Variants in AGO1 observed in about 807,000 individuals in gnomAD.
AGO1 encodes protein argonaute-1.
AGO1 carries 11 observed loss-of-function variants against 109.2 expected under a neutral mutation model. That is an observed-to-expected ratio of 0.10 (90% CI 0.06 to 0.17). The LOEUF (loss-of-function observed/expected upper bound fraction) is 0.17, where lower values mean the gene tolerates loss of function less well. Among genes scored for constraint, AGO1 ranks in the 10% least tolerant of loss-of-function variants. The probability of loss-of-function intolerance (pLI) is 1.00; values close to 1 mark genes in which losing one functional copy is unlikely to be tolerated. For synonymous variants in AGO1, 422 were observed against 418.6 expected, an observed-to-expected ratio of 1.01 and a Z score of -0.10; for missense variants, 574 against 1,140.3, an observed-to-expected ratio of 0.50 and a Z score of 7.15.
chr1:35,873,816 C>T (rs893894418), intron 1 of AGO1: 2 of 152,364 alleles, frequency 1.3e-5, no homozygotes, highest in Non-Finnish European at 1.5e-5. Context: ...CCAAATATCC[C>T]TCCATACTTC....
rs951035795 is a variant in AGO1, at chr1:35,898,150, T to A, written c.1020+2881T>A. Among the ~76,000 whole-genome samples the A allele has an allele frequency of 1.3e-5, 2 of 152,248 alleles. 1 individual carries two copies. The highest frequency in any genetic ancestry group is 2.9e-5 in the Non-Finnish European group (2 of 68,040). On this transcript the variant is annotated intron_variant, in intron 8 of 18. Coordinates refer to ENST00000373204, the MANE Select transcript of AGO1 (RefSeq NM_012199.5). ...GATTGTTTCTACTTTTTGGGTATCA[T>A]GAATAATGCTGCTGTGAACATTGAT...
chr1:35,908,999 G>T (rs932087920), intron 12 of AGO1, among the ~76,000 whole-genome samples: 1 of 151,836 alleles, frequency 6.6e-6, no homozygotes, highest in African/African-American at 2.4e-5. Flanking sequence ...TATATTTTTA[G>T]TACAGATGGA....
upstream of AGO1, chr1:35,883,181 C>T: frequency 8.6e-7 from 1 of 1,159,226 alleles, no homozygotes; most frequent in African/African-American, 1.6e-5. This position sits in a 1 kb window ranked among gnomAD's most constrained non-coding sequence, Gnocchi z 5.4. Flanking sequence ...TCCGGTCCGC[C>T]CCCTGGGCCC....
chr1:35,914,302 A>G (rs769857842), intron 14 of AGO1, 28 bp downstream of exon 14: 14 of 1,585,290 alleles, frequency 8.8e-6, no homozygotes, highest in Non-Finnish European at 1.2e-5. Context: ...GCTGCCTCAT[A>G]AGGTTCTCCT....
chr1:35,870,292 T>G (rs1644937730), intron 1 of AGO1, among the ~76,000 whole-genome samples: 1 of 150,692 alleles, frequency 6.6e-6, no homozygotes, highest in African/African-American at 2.4e-5. Flanking sequence ...TGTTTTTTGT[T>G]TTTTTTTTTG....
At chr1:35,869,943 T>G (rs1017251594) in intron 1 of AGO1, 1 of 152,270 alleles carries the variant, frequency 6.6e-6, no homozygotes, top group Admixed American at 6.5e-5. Flanking sequence ...AAGCAGCAGT[T>G]TGTAGCTGTG....
chr1:35,918,261 C>A, intron 16 of AGO1, 61 bp from the exon 17 acceptor site: 1 of 1,340,264 alleles, frequency 7.5e-7, no homozygotes, highest in Non-Finnish European at 1.1e-6. Context: ...TAGAATTGAG[C>A]CAGGGTCCTG....
intron 6 of AGO1, 22 bp downstream of exon 6, chr1:35,894,193 A>G: frequency 1.3e-6 from 2 of 1,567,802 alleles, no homozygotes; most frequent in South Asian, 1.2e-5. Context: ...ACAGGAGGGG[A>G]AGGGAAACAG....
At chr1:35,890,314 T>C (rs1309147630) in intron 2 of AGO1, among the ~76,000 whole-genome samples, 1 of 152,204 alleles carries the variant, frequency 6.6e-6, no homozygotes, top group African/African-American at 2.4e-5. Flanking sequence ...TGACCCATCA[T>C]GCCCGGCCAA....
chr1:35,886,342 G>C (rs1645119978), intron 1 of AGO1, among the ~76,000 whole-genome samples: 2 of 152,186 alleles, frequency 1.3e-5, no homozygotes, highest in Admixed American at 6.5e-5. Context: ...TAGGCTTTCA[G>C]GGGGATGTAA....
In AGO1 at chr1:35,888,623, C is replaced by T; in HGVS notation, c.209+13C>T. ...GTAGAGTCAACCGGTAAGTGATGCA[C>T]ACCTAAGCCACCAAATCTGAAAGAC... On this transcript the variant is annotated intron_variant, in intron 2 of 18. Transcript: ENST00000373204. The surrounding 1 kb of genome is among the most constrained non-coding windows in gnomAD (Gnocchi z 4.1). 1 of 1,612,742 alleles carries T rather than the reference C, an allele frequency of 6.2e-7. No individual in the cohort carries two copies. The highest frequency in any genetic ancestry group is 1.3e-5 in the African/African-American group (1 of 74,990).
In AGO1 at chr1:35,906,925, G is replaced by A. The variant is rs202120533; in HGVS notation, c.1398-10G>A. 266 of 1,605,556 alleles carry A rather than the reference G, an allele frequency of 1.7e-4. 1 individual carries two copies. In the East Asian group the frequency reaches 5.5e-3, roughly 33 times the overall value. On this transcript the variant is annotated splice_polypyrimidine_tract_variant and intron_variant, in intron 11 of 18. Coordinates refer to ENST00000373204, the MANE Select transcript of AGO1 (RefSeq NM_012199.5). ...CTCACTGCCTCCTTTGTGACCATGC[G>A]TGTGTACAGGAACTTCACAGACCAG...
chr1:35,882,186 G>T (rs1645044083), upstream of AGO1, among the ~76,000 whole-genome samples: 1 of 152,192 alleles, frequency 6.6e-6, no homozygotes, highest in South Asian at 2.1e-4. The surrounding 1 kb of genome is among the most constrained non-coding windows in gnomAD (Gnocchi z 5.1). Context: ...TTGAAGTGCT[G>T]GTAGGATATC....
rs868506623 is a variant in AGO1 at position 35,883,967 on chromosome 1, A to T, written c.25+521A>T. On this transcript the variant is annotated intron_variant, in intron 1 of 18. Transcript: ENST00000373204. This position sits in a 1 kb window ranked among gnomAD's most constrained non-coding sequence, Gnocchi z 5.4. ...CGGTGGGTGGGGACCCAGTCCCGGG[A>T]TTACCCCCCGTGGGTCTGGGGAGTC... Among the ~76,000 whole-genome samples, 1 of 152,154 alleles carries T rather than the reference A, an allele frequency of 6.6e-6. No individual in the cohort carries two copies. Among genetic ancestry groups the T allele is most frequent in the Non-Finnish European group, 1.5e-5 (1 of 68,006 alleles).
At chr1:35,880,630 T>A (rs1177060464), upstream of AGO1, among the ~76,000 whole-genome samples, 2 of 152,184 alleles carry the variant, frequency 1.3e-5, no homozygotes, top group African/African-American at 2.4e-5. Context: ...GCATTCTTTT[T>A]AGGCACTGTT....
chr1:35,884,888 A>G (rs1645094256), intron 1 of AGO1, among the ~76,000 whole-genome samples: 1 of 152,056 alleles, frequency 6.6e-6, no homozygotes, highest in South Asian at 2.1e-4. Context: ...ATCTCTCACC[A>G]CTTCCTTACA....
Position 35,920,097 on chromosome 1 carries a change from T to A in AGO1, c.*490T>A, listed in dbSNP as rs1645804021. 1 of 153,548 alleles carries A rather than the reference T, an allele frequency of 6.5e-6. No individual in the cohort carries two copies. The highest frequency in any genetic ancestry group is 1.5e-5 in the Non-Finnish European group (1 of 68,870). The allele number at this position is 153,548 out of a possible 1,614,324, so 9.5% of individuals were successfully genotyped here. A position where few individuals can be genotyped will look rare whatever the true frequency, so the allele number is the denominator to read the frequency against. On this transcript the variant is annotated 3_prime_UTR_variant, in exon 19 of 19. Coordinates refer to ENST00000373204, the MANE Select transcript of AGO1 (RefSeq NM_012199.5). ...TAATCAGAAAAGGACTAGATTTGTTTAAGAAGAAAAATGAAACCAGACCCA... is the reference window on the plus strand; with the variant it reads ...TAATCAGAAAAGGACTAGATTTGTTAAAGAAGAAAAATGAAACCAGACCCA...
Position 35,883,434 on chromosome 1 carries a change from C to A in AGO1, c.13C>A (p.Pro5Thr). Reference protein sequence around the residue: MEAGPSGAAAGAYLP... With the variant: MEAGTSGAAAGAYLP... ...ACGGGTATATGGGATGGAAGCGGGA[C>A]CCTCGGGAGCAGGTAAGGGTCCCCA... Residue 5 changes from proline (P) to threonine (T), a missense_variant, in exon 1 of 19, where the codon CCC becomes ACC. Pro to Thr is a conservative substitution (Grantham distance 38, BLOSUM62 -1). Around this residue, in one of 8 missense-constraint regions of AGO1, gnomAD observed 89 missense variants for 109.6 expected, o/e 0.81. Transcript: ENST00000373204. This position sits in a 1 kb window ranked among gnomAD's most constrained non-coding sequence, Gnocchi z 5.4. 1.3e-6 allele frequency: 2 copies of A among 1,570,698 alleles called. No individual in the cohort carries two copies. Among genetic ancestry groups the A allele is most frequent in the Non-Finnish European group, 1.7e-6 (2 of 1,161,616 alleles).
Position 35,901,329 on chromosome 1 carries a change from A to G in AGO1, c.1021-145A>G. On this transcript the variant is annotated intron_variant, in intron 8 of 18. Coordinates refer to ENST00000373204, the MANE Select transcript of AGO1 (RefSeq NM_012199.5). The surrounding 1 kb of genome is among the most constrained non-coding windows in gnomAD (Gnocchi z 4.8). Reference sequence around the variant, plus strand: ...CTAATTTACCTATCAAATGATACTCAGGAGGAGAATACATGTATGCACAAC... The same window carrying G: ...CTAATTTACCTATCAAATGATACTCGGGAGGAGAATACATGTATGCACAAC... The G allele has an allele frequency of 2.1e-6, 2 of 955,410 alleles. No individual in the cohort carries two copies. Among genetic ancestry groups the G allele is most frequent in the Non-Finnish European group, 3.2e-6 (2 of 630,028 alleles). The allele number at this position is 955,410 out of a possible 1,614,324, so 59.2% of individuals were successfully genotyped here. A position where few individuals can be genotyped will look rare whatever the true frequency, so the allele number is the denominator to read the frequency against.
Sources: gnomAD v4.1 joint callset for allele counts (sites outside exome capture counted in the v4.1 genomes callset) on GRCh38, gnomAD v4.1.1 for gene constraint, gnomAD v4.1.1 regional missense constraint, Gnocchi (gnomAD v3.1) non-coding constraint, MANE v1.5 for transcripts, NCBI Gene and HGNC (gene_info 2026-07-23, HGNC 2026-07-21) for gene names.